Variants in ERBB4 observed in about 807,000 individuals in gnomAD.
ERBB4 encodes the protein receptor tyrosine-protein kinase erbB-4.
In ERBB4, 42 loss-of-function variants were observed where a neutral mutation model predicts 158.0. The ratio of observed to expected loss-of-function variants is 0.27; its 90% CI spans 0.21 to 0.34. The LOEUF is 0.34. Among genes scored for constraint, ERBB4 ranks in the 10% least tolerant of loss-of-function variants. The pLI is 1.00. For synonymous variants in ERBB4, 583 were observed against 558.7 expected, an observed-to-expected ratio of 1.04 and a Z score of -0.61; for missense variants, 1,333 against 1,624.1, an observed-to-expected ratio of 0.82 and a Z score of 3.08.
chr2:212,161,316 A>G (rs1443768176), intron 1 of ERBB4, among the ~76,000 whole-genome samples: 1 of 151,898 alleles, frequency 6.6e-6, no homozygotes, highest in East Asian at 1.9e-4. Flanking sequence ...CCCCATACTA[A>G]CATAATTAAC....
intron 2 of ERBB4, among the ~76,000 whole-genome samples, chr2:212,028,385 C>T (rs886073521): frequency 2.0e-5 from 3 of 152,108 alleles, no homozygotes; most frequent in African/African-American, 7.2e-5. Flanking sequence ...CCCCGCCTGG[C>T]AATGGCTAGT....
chr2:211,948,889 A>G (rs1336489018), intron 2 of ERBB4, among the ~76,000 whole-genome samples: 1 of 151,818 alleles, frequency 6.6e-6, no homozygotes, highest in Non-Finnish European at 1.5e-5. Context: ...TTTATACCCA[A>G]CTGTTTACTC....
intron 1 of ERBB4, among the ~76,000 whole-genome samples, chr2:212,261,048 C>T (rs1303736703): frequency 6.6e-6 from 1 of 152,076 alleles, no homozygotes; most frequent in East Asian, 1.9e-4. Flanking sequence ...TATAATAATC[C>T]GGACTTTGCT....
Position 211,446,527 on chromosome 2 carries a change from T to A in ERBB4, c.2488-15427A>T, listed in dbSNP as rs1386397150. ...GTAAAGTCTTTTTAAAAACTCAGAATGGATTTGGACATTAGTATGAAGTTT... is the reference window on the plus strand; with the variant it reads ...GTAAAGTCTTTTTAAAAACTCAGAAAGGATTTGGACATTAGTATGAAGTTT... On this transcript the variant is annotated intron_variant, in intron 20 of 27. Transcript: ENST00000342788. Among the ~76,000 whole-genome samples, 3 of 152,308 alleles carry A rather than the reference T, an allele frequency of 2.0e-5. No homozygotes were observed. In the East Asian group the frequency reaches 5.8e-4, roughly 29 times the overall value.
At chr2:211,500,384 A>C (rs930008610) in intron 20 of ERBB4, among the ~76,000 whole-genome samples, 1 of 152,112 alleles carries the variant, frequency 6.6e-6, no homozygotes, top group Non-Finnish European at 1.5e-5. Context: ...TTTACTGAGG[A>C]AGAAAACTCC....
intron 20 of ERBB4, among the ~76,000 whole-genome samples, chr2:211,457,703 G>T (rs1014948736): frequency 2.0e-5 from 3 of 152,212 alleles, no homozygotes; most frequent in Admixed American, 6.5e-5. Flanking sequence ...CAAGGAAAGT[G>T]ATGTGGATTC....
At chr2:212,326,107 G>T (rs375522369) in intron 1 of ERBB4, among the ~76,000 whole-genome samples, 1 of 150,406 alleles carries the variant, frequency 6.6e-6, no homozygotes, top group Admixed American at 6.6e-5. Flanking sequence ...CCCAAATTGG[G>T]ATGCTTTTAA....
rs532180072 is a variant in ERBB4 at position 212,438,300 on chromosome 2, A to C, written c.82+100149T>G. Among the ~76,000 whole-genome samples the C allele has an allele frequency of 2.6e-5, 4 of 152,210 alleles. No homozygotes were observed. The South Asian group carries it at 8.3e-4, about 32-fold the overall frequency. The stretch of plus-strand genomic sequence containing the variant: ...TTCTAGTAAGTTATTATCCACTTTC[A>C]GTTGTCTTCACGTTTATAAATACCA... On this transcript the variant is annotated intron_variant, in intron 1 of 27. Coordinates refer to ENST00000342788, the MANE Select transcript of ERBB4 (RefSeq NM_005235.3).
chr2:211,499,566 A>G (rs1313606844), intron 20 of ERBB4, among the ~76,000 whole-genome samples: 1 of 152,118 alleles, frequency 6.6e-6, no homozygotes, highest in Non-Finnish European at 1.5e-5. Flanking sequence ...CAAAAAAAAG[A>G]AAACTGTGAC....
intron 3 of ERBB4, among the ~76,000 whole-genome samples, chr2:211,852,005 A>G (rs2077732506): frequency 6.6e-6 from 1 of 151,968 alleles, no homozygotes; most frequent in South Asian, 2.1e-4. Context: ...CAATAAAAAT[A>G]TTAACAAGCT....
At chr2:212,408,095 T>G (rs1328085034) in intron 1 of ERBB4, among the ~76,000 whole-genome samples, 1 of 152,092 alleles carries the variant, frequency 6.6e-6, no homozygotes, top group Admixed American at 6.6e-5. Context: ...TATTTATTTA[T>G]TTTTAAGTTC....
chr2:212,474,035 C>G (rs1435342500), intron 1 of ERBB4, among the ~76,000 whole-genome samples: 1 of 151,980 alleles, frequency 6.6e-6, no homozygotes, highest in East Asian at 1.9e-4. Context: ...TAGTGAAATA[C>G]AATATTAAAG....
intron 19 of ERBB4, among the ~76,000 whole-genome samples, chr2:211,583,793 G>A (rs1242831789): frequency 3.3e-5 from 5 of 151,050 alleles, no homozygotes; most frequent in Non-Finnish European, 7.4e-5. Flanking sequence ...GTTATTTTTT[G>A]TCAATTATTT....
At chr2:212,031,195 T>G (rs998655190) in intron 2 of ERBB4, among the ~76,000 whole-genome samples, 1 of 152,162 alleles carries the variant, frequency 6.6e-6, no homozygotes, top group Non-Finnish European at 1.5e-5. Flanking sequence ...TTAGTTGTTT[T>G]TCAAGATCCC....
chr2:212,390,742 C>T (rs1420763076), intron 1 of ERBB4, among the ~76,000 whole-genome samples: 1 of 151,698 alleles, frequency 6.6e-6, no homozygotes, highest in Admixed American at 6.6e-5. Flanking sequence ...TTTATTGGTG[C>T]CGGATATCTT....
At chr2:211,906,737 T>C (rs1016946970) in intron 3 of ERBB4, among the ~76,000 whole-genome samples, 1 of 151,596 alleles carries the variant, frequency 6.6e-6, no homozygotes, top group Non-Finnish European at 1.5e-5. Flanking sequence ...ACAGTGTCTG[T>C]TATTCCCCTC....
At chr2:211,602,656 A>T (rs2068836679) in intron 19 of ERBB4, among the ~76,000 whole-genome samples, 1 of 152,146 alleles carries the variant, frequency 6.6e-6, no homozygotes, top group African/African-American at 2.4e-5. Context: ...TGCCATGTTT[A>T]ATGATTATTC....
chr2:212,405,446 G>C (rs1271506669), intron 1 of ERBB4, among the ~76,000 whole-genome samples: 1 of 151,956 alleles, frequency 6.6e-6, no homozygotes, highest in African/African-American at 2.4e-5. Flanking sequence ...GAGAACTAAA[G>C]GCAGAACTAC....
chr2:211,923,264 A>G (rs10172967), intron 3 of ERBB4, among the ~76,000 whole-genome samples: 64,693 of 151,980 alleles, frequency 0.43, 15,858 homozygotes, highest in Non-Finnish European at 0.55. Flanking sequence ...AGGAGAGAAA[A>G]TCTCGCAACA....
Sources: allele counts gnomAD v4.1 joint callset (sites outside exome capture counted in the v4.1 genomes callset), GRCh38; gene constraint gnomAD v4.1.1; transcripts MANE v1.5; gene names NCBI Gene and HGNC (gene_info 2026-07-23, HGNC 2026-07-21).